Variants in ATP2B2 observed in about 807,000 individuals in gnomAD.
ATP2B2 encodes the protein ATPase plasma membrane Ca2+ transporting 2.
A neutral mutation model predicts 120.0 loss-of-function variants in ATP2B2; 15 were observed. The ratio of observed to expected loss-of-function variants is 0.12; its 90% CI spans 0.08 to 0.19. ATP2B2 has a LOEUF of 0.19. Among genes scored for constraint, ATP2B2 ranks in the 10% least tolerant of loss-of-function variants. The probability of loss-of-function intolerance (pLI) is 1.00; values close to 1 mark genes in which losing one functional copy is unlikely to be tolerated. For missense variants in ATP2B2, 1,045 were observed against 1,719.8 expected (o/e 0.61, Z 6.94); for synonymous variants, 694 against 700.3 (o/e 0.99, Z 0.14).
intron 2 of ATP2B2, among the ~76,000 whole-genome samples, chr3:10,411,443 C>T (rs2062607401): frequency 6.6e-6 from 1 of 152,220 alleles, no homozygotes; most frequent in South Asian, 2.1e-4. Context: ...AATCCACACT[C>T]CTACAGCCGC....
chr3:10,451,661 A>C (rs1396266751), intron 1 of ATP2B2, among the ~76,000 whole-genome samples: 2 of 152,302 alleles, frequency 1.3e-5, no homozygotes, highest in South Asian at 4.1e-4. Context: ...AGAACATAAA[A>C]TGGATGTGAT....
chr3:10,653,531 A>G (rs1250095187), intron 1 of ATP2B2, among the ~76,000 whole-genome samples: 1 of 152,188 alleles, frequency 6.6e-6, no homozygotes, highest in African/African-American at 2.4e-5. Flanking sequence ...GGAACTCCCA[A>G]TGCAGTTTCC....
chr3:10,694,257 T>A (rs553016869), intron 1 of ATP2B2, among the ~76,000 whole-genome samples: 1 of 152,326 alleles, frequency 6.6e-6, no homozygotes, highest in Non-Finnish European at 1.5e-5. Context: ...ACCACCACTA[T>A]CAAGGTACTC....
At chr3:10,484,709 G>A (rs937000762) in intron 1 of ATP2B2, among the ~76,000 whole-genome samples, 6 of 152,154 alleles carry the variant, frequency 3.9e-5, no homozygotes, top group African/African-American at 1.4e-4. Flanking sequence ...GCTGAATTGC[G>A]CAGTGCACCA....
intron 2 of ATP2B2, among the ~76,000 whole-genome samples, chr3:10,600,769 C>G (rs1021302844): frequency 5.3e-5 from 8 of 152,202 alleles, no homozygotes; most frequent in Admixed American, 3.3e-4. Flanking sequence ...CTGGGGATCA[C>G]TCACCTTGCT....
chr3:10,510,748 C>T (rs570663889), intron 3 of ATP2B2, among the ~76,000 whole-genome samples: 2 of 152,344 alleles, frequency 1.3e-5, no homozygotes, highest in African/African-American at 4.8e-5. Flanking sequence ...AGGAGCTACT[C>T]TCAGAGGACT....
intron 12 of ATP2B2, among the ~76,000 whole-genome samples, chr3:10,370,454 ACGT>A (rs1410107503): frequency 6.6e-6 from 1 of 152,148 alleles, no homozygotes. Flanking sequence ...GAAGACAAAA[ACGT>A]CGTCATGTTT....
At chr3:10,395,804 C>T (rs1352593420) in intron 5 of ATP2B2, among the ~76,000 whole-genome samples, 2 of 152,170 alleles carry the variant, frequency 1.3e-5, no homozygotes, top group Non-Finnish European at 2.9e-5. Context: ...GCAAAGTGAG[C>T]ACTGAGGTCA....
chr3:10,570,482 G>A (rs568833694), intron 2 of ATP2B2: 1 of 152,358 alleles, frequency 6.6e-6, no homozygotes, highest in African/African-American at 2.4e-5. Flanking sequence ...TAAGAAACCA[G>A]TGTCTCCCCA....
intron 5 of ATP2B2, among the ~76,000 whole-genome samples, chr3:10,392,449 T>C (rs568669384): frequency 8.1e-5 from 12 of 148,710 alleles, no homozygotes; most frequent in African/African-American, 2.9e-4. Flanking sequence ...GCTCCACGAG[T>C]CCCCTGCAGA....
At chr3:10,542,340 G>A (rs1379197379) in intron 2 of ATP2B2, among the ~76,000 whole-genome samples, 1 of 152,178 alleles carries the variant, frequency 6.6e-6, no homozygotes, top group Non-Finnish European at 1.5e-5. Flanking sequence ...ACATCAGACT[G>A]TGTTACAATT....
Position 10,343,107 on chromosome 3 carries a change from G to C in ATP2B2, c.2704-142C>G. Reference sequence around the variant, plus strand: ...CCCTTGGCTCCCCAGCAGGCATGGAGTTGTTCTCTGATGCCTTCTCTGGAG... The same window carrying C: ...CCCTTGGCTCCCCAGCAGGCATGGACTTGTTCTCTGATGCCTTCTCTGGAG... On this transcript the variant is annotated intron_variant, in intron 18 of 22. Coordinates refer to ENST00000360273, the MANE Select transcript of ATP2B2 (RefSeq NM_001001331.4). The surrounding 1 kb of genome is among the most constrained non-coding windows in gnomAD (Gnocchi z 4.2). The C allele has an allele frequency of 1.3e-6, 1 of 797,724 alleles. No individual in the cohort carries two copies. The highest frequency in any genetic ancestry group is 1.7e-5 in the South Asian group (1 of 60,496). The allele number at this position is 797,724 out of a possible 1,614,324, so 49.4% of individuals were successfully genotyped here.
intron 1 of ATP2B2, among the ~76,000 whole-genome samples, chr3:10,465,135 C>T (rs2064681790): frequency 6.6e-6 from 1 of 152,240 alleles, no homozygotes; most frequent in Non-Finnish European, 1.5e-5. Flanking sequence ...CTCCCCTGAG[C>T]CCTGGTGTGA....
At chr3:10,417,861 A>G (rs2062843231) in intron 2 of ATP2B2, among the ~76,000 whole-genome samples, 1 of 152,178 alleles carries the variant, frequency 6.6e-6, no homozygotes, top group Non-Finnish European at 1.5e-5. Context: ...GGTCTTGGGA[A>G]AGGCTAGAGT....
intron 22 of ATP2B2, among the ~76,000 whole-genome samples, chr3:10,337,741 C>G (rs1051620337): frequency 1.3e-5 from 2 of 152,064 alleles, no homozygotes; most frequent in Non-Finnish European, 2.9e-5. Flanking sequence ...GTGGAGGCGG[C>G]GGACCCCCTG....
intron 5 of ATP2B2, among the ~76,000 whole-genome samples, chr3:10,391,731 C>T (rs1263896837): frequency 6.6e-6 from 1 of 152,146 alleles, no homozygotes; most frequent in Non-Finnish European, 1.5e-5. Context: ...CTCTGTCCTC[C>T]GGTATCCCCA....
At chr3:10,576,923 G>A (rs541483239) in intron 2 of ATP2B2, among the ~76,000 whole-genome samples, 28 of 152,026 alleles carry the variant, frequency 1.8e-4, no homozygotes, top group Middle Eastern at 3.4e-3. Flanking sequence ...GTATGGTGGC[G>A]GGTGCCTGTA....
At position 10,493,938 on chromosome 3, in the gene ATP2B2, T is replaced by C. The variant is rs111778960; in HGVS notation, c.-320+11527A>G. On this transcript the variant is annotated intron_variant, in intron 1 of 22. Transcript: ENST00000360273. ...TGAACAGGGCCTGTGCTCCAGTTCA[T>C]ATCACATGGCCACATTTCTAACTGA... is the stretch of plus-strand genomic sequence containing the variant. 3.1e-3 allele frequency among the ~76,000 whole-genome samples: 471 copies of C among 152,240 alleles called. 4 individuals carry two copies. The highest frequency in any genetic ancestry group is 0.011 in the African/African-American group (448 of 41,536).
chr3:10,468,534 T>C (rs1266185232), intron 1 of ATP2B2, among the ~76,000 whole-genome samples: 1 of 152,340 alleles, frequency 6.6e-6, no homozygotes, highest in African/African-American at 2.4e-5. Context: ...AGCACTGTTA[T>C]CTTGCTATAA....
Sources: allele counts gnomAD v4.1 joint callset (sites outside exome capture counted in the v4.1 genomes callset), GRCh38; gene constraint gnomAD v4.1.1; non-coding constraint Gnocchi (gnomAD v3.1); transcripts MANE v1.5; gene names NCBI Gene and HGNC (gene_info 2026-07-23, HGNC 2026-07-21).